Variants in ACBD6 observed in about 807,000 individuals in gnomAD.
ACBD6 encodes the protein acyl-CoA binding domain containing 6.
A neutral mutation model predicts 37.2 loss-of-function variants in ACBD6; 28 were observed. The ratio of observed to expected loss-of-function variants is 0.75; its 90% confidence interval spans 0.56 to 1.03. ACBD6 has a LOEUF of 1.03. ACBD6 is among the 50% of genes least tolerant of loss of function. ACBD6 has a pLI of 0.00. For missense variants in ACBD6, 340 were observed against 337.4 expected, an observed-to-expected ratio of 1.01 and a Z score of -0.06; for synonymous variants, 113 against 126.8, an observed-to-expected ratio of 0.89 and a Z score of 0.73.
intron 3 of ACBD6, among the ~76,000 whole-genome samples, chr1:180,487,694 G>A (rs1651325654): frequency 6.6e-6 from 1 of 151,716 alleles, no homozygotes; most frequent in Admixed American, 6.6e-5. Context: ...TCAACTTAAG[G>A]AAAGAAAAAA....
chr1:180,284,229 T>C (rs1453911243), downstream of ACBD6, among the ~76,000 whole-genome samples: 1 of 152,236 alleles, frequency 6.6e-6, no homozygotes, highest in Non-Finnish European at 1.5e-5. Flanking sequence ...ATAATCACTA[T>C]ACTTTAATCC....
In ACBD6 at chr1:180,303,439, G is replaced by A. The variant is rs1334102466; in HGVS notation, c.694+11253C>T. ...TAAAGGGGACATCACCACCAATCCC[G>A]CAGAAATACAAACTACCATCAGAGA... On this transcript the variant is annotated intron_variant, in intron 7 of 7. Transcript: ENST00000367595. 2.7e-4 allele frequency among the ~76,000 whole-genome samples: 41 copies of A among 150,196 alleles called. 2 individuals are homozygous for A. Among genetic ancestry groups the A allele is most frequent in the Non-Finnish European group, 3.9e-4 (26 of 67,282 alleles).
intron 6 of ACBD6, among the ~76,000 whole-genome samples, chr1:180,319,614 T>C (rs554120694): frequency 3.3e-5 from 5 of 152,312 alleles, no homozygotes; most frequent in Admixed American, 1.3e-4. Flanking sequence ...CTAACTACTT[T>C]TCATACCCAT....
rs1571460204 is a variant in ACBD6, at chr1:180,401,769, C to G, written c.574-4164G>C. ...TGCCACTGTACTCCAGCATGGGCAA[C>G]AGAGCAAAATTCTGTCCAGAAAAAA... On this transcript the variant is annotated intron_variant, in intron 5 of 7. Coordinates refer to ENST00000367595, the MANE Select transcript of ACBD6 (RefSeq NM_032360.4). Among the ~76,000 whole-genome samples, 3 of 116,576 alleles carry G rather than the reference C, an allele frequency of 2.6e-5. No individual in the cohort carries two copies. The South Asian group carries it at 7.8e-4, about 30-fold the overall frequency. 76.5% of individuals were successfully genotyped at this position (116,576 alleles called of 152,430 possible).
intron 9 of ACBD6, chr1:180,277,872 T>TC (rs1326246155): frequency 1.7e-5 from 1 of 58,354 alleles, no homozygotes; most frequent in Non-Finnish European, 5.3e-5. Context: ...TCCTTAAACT[T>TC]TTTTTGGGGG....
chr1:180,418,148 G>A (rs768090453), intron 4 of ACBD6, among the ~76,000 whole-genome samples: 11 of 151,668 alleles, frequency 7.3e-5, no homozygotes, highest in Non-Finnish European at 1.5e-4. Context: ...TATAAGTTGA[G>A]ATTAAAAAGT....
chr1:180,349,904 ATTT>A (rs963114617), intron 6 of ACBD6, among the ~76,000 whole-genome samples: 2 of 150,014 alleles, frequency 1.3e-5, no homozygotes, highest in East Asian at 1.9e-4. Flanking sequence ...TCACGTAAAT[ATTT>A]TTTTTTCTAT....
intron 3 of ACBD6, among the ~76,000 whole-genome samples, chr1:180,440,420 T>A (rs961888800): frequency 5.3e-5 from 8 of 152,234 alleles, no homozygotes; most frequent in African/African-American, 1.7e-4. Context: ...TGAAAAGTCT[T>A]TATTTCACGT....
chr1:180,490,227 C>T (rs1421950879), intron 3 of ACBD6, among the ~76,000 whole-genome samples: 1 of 152,148 alleles, frequency 6.6e-6, no homozygotes, highest in Non-Finnish European at 1.5e-5. Flanking sequence ...GCTCAGGGGG[C>T]ACCTGTTTTG....
chr1:180,288,212 A>C, downstream of ACBD6: 1 of 1,054,278 alleles, frequency 9.5e-7, no homozygotes, highest in Middle Eastern at 3.1e-4. Context: ...AGAAGAATGA[A>C]TTGCTGAGAC....
At chr1:180,288,701 T>C (rs1252566048) in intron 7 of ACBD6, among the ~76,000 whole-genome samples, 184 bp from the exon 8 acceptor site, 2 of 152,222 alleles carry the variant, frequency 1.3e-5, no homozygotes, top group African/African-American at 4.8e-5. Flanking sequence ...TTTCAAGCCT[T>C]AGGAAAATCA....
At chr1:180,488,354 TA>T (rs1051042107) in intron 3 of ACBD6, among the ~76,000 whole-genome samples, 2 of 152,208 alleles carry the variant, frequency 1.3e-5, no homozygotes, top group Non-Finnish European at 2.9e-5. Flanking sequence ...AAAACATAGT[TA>T]TTTTTAAAGA....
intron 5 of ACBD6, among the ~76,000 whole-genome samples, chr1:180,405,183 C>T (rs1043290314): frequency 1.3e-5 from 2 of 152,178 alleles, no homozygotes; most frequent in African/African-American, 4.8e-5. Flanking sequence ...TATACCGACC[C>T]TGCCTCTTAA....
chr1:180,383,462 G>A (rs1486813598), intron 6 of ACBD6, among the ~76,000 whole-genome samples: 4 of 151,900 alleles, frequency 2.6e-5, no homozygotes, highest in African/African-American at 9.7e-5. Context: ...AAATACCTGG[G>A]AATAAATTTA....
chr1:180,414,687 G>C (rs1648001633), intron 4 of ACBD6, among the ~76,000 whole-genome samples: 1 of 152,142 alleles, frequency 6.6e-6, no homozygotes, highest in Non-Finnish European at 1.5e-5. Context: ...GTAAAAGCTG[G>C]ATCCTTAAAA....
intron 6 of ACBD6, among the ~76,000 whole-genome samples, chr1:180,331,022 C>T (rs1651459984): frequency 6.6e-6 from 1 of 152,158 alleles, no homozygotes; most frequent in Admixed American, 6.5e-5. Flanking sequence ...GCTTATCCAG[C>T]CACCCAGGAG....
At chr1:180,338,351 C>T (rs149767401) in intron 6 of ACBD6, among the ~76,000 whole-genome samples, 1 of 152,120 alleles carries the variant, frequency 6.6e-6, no homozygotes, top group Non-Finnish European at 1.5e-5. Context: ...TGGAACAGAA[C>T]AGAGCCCTCA....
chr1:180,328,849 T>C lies in ACBD6; in HGVS notation c.664-14127A>G, dbSNP rs12037744. Among the ~76,000 whole-genome samples, 4,211 of 152,208 alleles carry C rather than the reference T, an allele frequency of 0.028. 362 individuals carry two copies. The East Asian group carries it at 0.29, about 11-fold the overall frequency. Reference sequence around the variant, plus strand: ...TGCCTTTTATGATTATTTTTCTATATATATATATAAGTTAAGCTTTCAGCT... The same window carrying C: ...TGCCTTTTATGATTATTTTTCTATACATATATATAAGTTAAGCTTTCAGCT... On this transcript the variant is annotated intron_variant, in intron 6 of 7. Coordinates refer to ENST00000367595, the MANE Select transcript of ACBD6 (RefSeq NM_032360.4).
intron 13 of ACBD6, among the ~76,000 whole-genome samples, chr1:180,272,392 T>C (rs1648727737): frequency 6.6e-6 from 1 of 152,154 alleles, no homozygotes; most frequent in African/African-American, 2.4e-5. Context: ...CCTACTCCCA[T>C]AGTCCCCTAG....
Sources: allele counts gnomAD v4.1 joint callset (sites outside exome capture counted in the v4.1 genomes callset), GRCh38; gene constraint gnomAD v4.1.1; transcripts MANE v1.5; gene names NCBI Gene and HGNC (gene_info 2026-07-23, HGNC 2026-07-21).